ANAPC1: variants seen among roughly 807,000 people sequenced by gnomAD.
ANAPC1 encodes anaphase promoting complex subunit 1.
In ANAPC1, 36 loss-of-function variants were observed where a neutral mutation model predicts 208.0. The observed-to-expected ratio is 0.17, with a 90% confidence interval of 0.13 to 0.23. The LOEUF (loss-of-function observed/expected upper bound fraction) is 0.23. Among genes scored for constraint, ANAPC1 ranks in the 10% least tolerant of loss-of-function variants. ANAPC1 has a pLI of 1.00. For missense variants in ANAPC1, 942 were observed against 2,011.6 expected (o/e 0.47, Z 10.17); for synonymous variants, 378 against 695.2 (o/e 0.54, Z 7.18).
intron 17 of ANAPC1, among the ~76,000 whole-genome samples, chr2:111,840,177 C>A (rs1680685632): frequency 6.7e-6 from 1 of 148,896 alleles, no homozygotes; most frequent in African/African-American, 2.4e-5. Flanking sequence ...ACTCATGTAA[C>A]ACATCAGCAA....
intron 34 of ANAPC1, among the ~76,000 whole-genome samples, chr2:111,800,319 T>A (rs1362590777): frequency 7.2e-6 from 1 of 139,626 alleles, no homozygotes; most frequent in African/African-American, 2.7e-5. Flanking sequence ...AGTGGCTAGT[T>A]ACAATATTCG....
chr2:111,871,905 G>C (rs901730654), intron 6 of ANAPC1, among the ~76,000 whole-genome samples: 1 of 152,094 alleles, frequency 6.6e-6, no homozygotes, highest in African/African-American at 2.4e-5. Context: ...AGTCTATAGG[G>C]TTTTCTAGGT....
At chr2:111,827,377 T>A (rs1315676177) in intron 21 of ANAPC1, among the ~76,000 whole-genome samples, 1 of 152,178 alleles carries the variant, frequency 6.6e-6, no homozygotes, top group African/African-American at 2.4e-5. Flanking sequence ...TCCCAATAAA[T>A]GTTATCTCAC....
intron 6 of ANAPC1, among the ~76,000 whole-genome samples, chr2:111,871,564 A>C (rs1380208641): frequency 2.0e-5 from 3 of 152,154 alleles, no homozygotes; most frequent in Admixed American, 2.0e-4. Flanking sequence ...CAGCATGACT[A>C]ACATGGAGAA....
rs745319615 is a variant in ANAPC1, at chr2:111,847,200, T to C, written c.1792-2A>G. The C allele has an allele frequency of 1.9e-6, 3 of 1,608,582 alleles. No homozygotes were observed. The highest frequency in any genetic ancestry group is 3.4e-5 in the Admixed American group (2 of 59,654). On this transcript the variant is annotated splice_acceptor_variant, in intron 15 of 47. Coordinates refer to ENST00000341068, the MANE Select transcript of ANAPC1 (RefSeq NM_022662.4). LOFTEE classifies it high-confidence loss of function. ...AACCATGGAGCCATTACTCAGTTCC[T>C]AGATGGAAACAAATGAGAAAGTAGA...
chr2:111,791,543 T>C (rs922473370), intron 38 of ANAPC1, among the ~76,000 whole-genome samples: 3 of 152,220 alleles, frequency 2.0e-5, no homozygotes, highest in African/African-American at 7.2e-5. Context: ...CAATAAAATG[T>C]GGTAGTCATA....
At chr2:111,834,028 T>G (rs996131114) in intron 19 of ANAPC1, among the ~76,000 whole-genome samples, 1 of 152,188 alleles carries the variant, frequency 6.6e-6, no homozygotes, top group East Asian at 1.9e-4. Context: ...TCTTGAAAGG[T>G]GTTGAAACGT....
chr2:111,842,527 T>C (rs1339124557), intron 17 of ANAPC1, among the ~76,000 whole-genome samples: 1 of 151,308 alleles, frequency 6.6e-6, no homozygotes, highest in African/African-American at 2.4e-5. Flanking sequence ...CCTGTAGTCC[T>C]GGCTACTCGG....
intron 25 of ANAPC1, chr2:111,821,655 G>A (rs978825162): frequency 5.9e-5 from 30 of 511,684 alleles, no homozygotes; most frequent in Admixed American, 3.2e-4. Flanking sequence ...ATTGCTGGCC[G>A]GGTGTGGTGG....
chr2:111,877,178 A>G (rs1213551321), intron 3 of ANAPC1, among the ~76,000 whole-genome samples: 2 of 149,094 alleles, frequency 1.3e-5, no homozygotes, highest in Admixed American at 6.8e-5. Context: ...GAAAAAAATA[A>G]TACTTCTCTA....
intron 19 of ANAPC1, among the ~76,000 whole-genome samples, chr2:111,834,172 G>C (rs968611235): frequency 2.0e-5 from 3 of 152,172 alleles, no homozygotes; most frequent in African/African-American, 7.2e-5. Context: ...AAGACATTTA[G>C]GCAAGTTTCC....
chr2:111,816,256 T>C (rs1369816473), intron 27 of ANAPC1, among the ~76,000 whole-genome samples: 1 of 147,014 alleles, frequency 6.8e-6, no homozygotes, highest in Non-Finnish European at 1.5e-5. Flanking sequence ...AGACAGAGAC[T>C]GCATCTCAAA....
intron 28 of ANAPC1, among the ~76,000 whole-genome samples, chr2:111,810,869 T>G: frequency 3.1e-5 from 3 of 97,358 alleles, no homozygotes; most frequent in Admixed American, 3.1e-4. Context: ...GGTGACAGGG[T>G]GAGACTCCAC....
intron 3 of ANAPC1, among the ~76,000 whole-genome samples, chr2:111,878,314 T>C (rs1193346035): frequency 6.6e-6 from 1 of 152,240 alleles, no homozygotes; most frequent in Non-Finnish European, 1.5e-5. Flanking sequence ...GAACTGCATG[T>C]CTTCCTGAAA....
At chr2:111,858,767 GAAAAAA>G (rs59260533) in intron 10 of ANAPC1, among the ~76,000 whole-genome samples, 1 of 122,822 alleles carries the variant, frequency 8.1e-6, no homozygotes, top group African/African-American at 3.1e-5. Flanking sequence ...GTCTCAAAAA[GAAAAAA>G]AAAAAAAAAA....
intron 38 of ANAPC1, among the ~76,000 whole-genome samples, chr2:111,790,992 G>C (rs112928995): frequency 1.3e-5 from 2 of 152,166 alleles, no homozygotes; most frequent in Non-Finnish European, 2.9e-5. Context: ...GAGATTGGTT[G>C]CACGGCAGTG....
chr2:111,848,303 G>A (rs541433100), intron 14 of ANAPC1, among the ~76,000 whole-genome samples: 1 of 151,682 alleles, frequency 6.6e-6, no homozygotes, highest in African/African-American at 2.4e-5. Context: ...ATCTAGGAGA[G>A]AAGGCAACTG....
intron 9 of ANAPC1, among the ~76,000 whole-genome samples, chr2:111,863,331 A>T (rs1682186101): frequency 6.7e-6 from 1 of 148,542 alleles, no homozygotes; most frequent in Admixed American, 6.8e-5. Flanking sequence ...ACACGGTGAA[A>T]CCCCATCTCT....
chr2:111,871,633 T>C (rs1295204357), intron 6 of ANAPC1, among the ~76,000 whole-genome samples: 2 of 152,076 alleles, frequency 1.3e-5, no homozygotes, highest in Non-Finnish European at 1.5e-5. Context: ...ATGCCTGTAA[T>C]CCCAGTTACT....
Sources: allele counts gnomAD v4.1 joint callset (sites outside exome capture counted in the v4.1 genomes callset), GRCh38; gene constraint gnomAD v4.1.1; transcripts MANE v1.5; gene names NCBI Gene and HGNC (gene_info 2026-07-23, HGNC 2026-07-21).